INSR: variants seen among roughly 807,000 people sequenced by gnomAD.
The protein encoded by INSR is IR.
In INSR, 67 loss-of-function variants were observed where a neutral mutation model predicts 142.6. The ratio of observed to expected loss-of-function variants is 0.47; its 90% CI spans 0.39 to 0.58. The LOEUF is 0.58. INSR is among the 20% of genes least tolerant of loss of function. The pLI is 0.00. For missense variants in INSR, 1,248 were observed against 1,833.2 expected, an observed-to-expected ratio of 0.68 and a Z score of 5.83; for synonymous variants, 756 against 743.1, an observed-to-expected ratio of 1.02 and a Z score of -0.28.
chr19:7,187,700 G>A (rs952757502), intron 2 of INSR, among the ~76,000 whole-genome samples: 1 of 151,758 alleles, frequency 6.6e-6, no homozygotes, highest in Admixed American at 6.6e-5. Context: ...GGCCTCTTGG[G>A]TAGCTGGAAT....
At position 7,125,215 on chromosome 19, in the gene INSR, A is replaced by G; in HGVS notation, c.3258+68T>C. 6.3e-7 allele frequency: 1 copy of G among 1,590,600 alleles called. No individual in the cohort carries two copies. Among genetic ancestry groups the G allele is most frequent in the Non-Finnish European group, 8.6e-7 (1 of 1,162,054 alleles). ...CCCTGTGTCCTCTGTCGCTCTGTGC[A>G]GGAGGAGGAGGCAGAGAAAGGGAAG... On this transcript the variant is annotated intron_variant, in intron 17 of 21. Transcript: ENST00000302850. This position sits in a 1 kb window ranked among gnomAD's most constrained non-coding sequence, Gnocchi z 4.9.
rs751650248 is a variant in INSR, at chr19:7,184,689, A to G, written c.653-52T>C. On this transcript the variant is annotated intron_variant, in intron 2 of 21. Transcript: ENST00000302850. The stretch of plus-strand genomic sequence containing the variant: ...AAATAAATAAATAAATAAATAAATA[A>G]ATAAATAAATAAATAAATGGCTTTG... 3.5e-6 allele frequency: 4 copies of G among 1,135,744 alleles called. No individual in the cohort carries two copies. The South Asian group carries it at 8.3e-5, about 24-fold the overall frequency. The allele number at this position is 1,135,744 out of a possible 1,614,324, so 70.4% of individuals were successfully genotyped here.
At chr19:7,250,115 T>C (rs968845013) in intron 2 of INSR, among the ~76,000 whole-genome samples, 1 of 150,682 alleles carries the variant, frequency 6.6e-6, no homozygotes, top group Non-Finnish European at 1.5e-5. Context: ...GCTATGATCA[T>C]GCTACTGCAC....
chr19:7,149,969 G>T (rs1379662241), intron 11 of INSR, among the ~76,000 whole-genome samples: 1 of 136,006 alleles, frequency 7.4e-6, no homozygotes, highest in Non-Finnish European at 1.5e-5. Flanking sequence ...AGGAAGGAAG[G>T]AAGGAAGGAA....
At chr19:7,163,618 C>T (rs1006427954) in intron 8 of INSR, among the ~76,000 whole-genome samples, 3 of 151,304 alleles carry the variant, frequency 2.0e-5, no homozygotes, top group African/African-American at 7.3e-5. Flanking sequence ...AAACAAAACC[C>T]AAAAAACCCA....
At chr19:7,162,239 A>C (rs1360222965) in intron 9 of INSR, among the ~76,000 whole-genome samples, 1 of 150,866 alleles carries the variant, frequency 6.6e-6, no homozygotes, top group East Asian at 2.0e-4. Flanking sequence ...AGGCAGGAGA[A>C]TCGCTTGCGC....
rs1283724008 is a variant in INSR at position 7,250,392 on chromosome 19, A to AGG, written c.652+16952_652+16953insCC. ...GGAGGAGGGAGAGAGGAAGGGAGAG[A>AGG]AGGAAGGGAGGTAAGAAATAAAAAG... On this transcript the variant is annotated intron_variant, in intron 2 of 21. Transcript: ENST00000302850. Among the ~76,000 whole-genome samples, 9 of 39,352 alleles carry AGG rather than the reference A, an allele frequency of 2.3e-4. No homozygotes were observed. The East Asian group carries it at 5.2e-3, about 23-fold the overall frequency. 25.8% of individuals were successfully genotyped at this position (39,352 alleles called of 152,430 possible).
At chr19:7,257,141 C>T (rs1976920161) in intron 2 of INSR, among the ~76,000 whole-genome samples, 1 of 151,936 alleles carries the variant, frequency 6.6e-6, no homozygotes, top group Admixed American at 6.6e-5. Context: ...CGGGGTTTCA[C>T]TATGTTGGCC....
At chr19:7,167,863 G>A (rs1973923026) in intron 7 of INSR, 105 bp downstream of exon 7, 1 of 1,347,186 alleles carries the variant, frequency 7.4e-7, no homozygotes, top group East Asian at 2.3e-5. Flanking sequence ...GGAGGAGGAG[G>A]GAGATAGACA....
intron 2 of INSR, among the ~76,000 whole-genome samples, chr19:7,219,316 C>T (rs888329040): frequency 6.6e-6 from 1 of 152,126 alleles, no homozygotes; most frequent in Non-Finnish European, 1.5e-5. Context: ...TTTCACTGAC[C>T]ACCCCCGGGG....
chr19:7,200,252 C>T (rs118105748), intron 2 of INSR, among the ~76,000 whole-genome samples: 2 of 152,242 alleles, frequency 1.3e-5, no homozygotes, highest in Non-Finnish European at 2.9e-5. Flanking sequence ...GCAGAGGAAA[C>T]AGAAAAGAAG....
intron 4 of INSR, among the ~76,000 whole-genome samples, chr19:7,172,692 A>G (rs2144955912): frequency 6.6e-6 from 1 of 152,098 alleles, no homozygotes; most frequent in African/African-American, 2.4e-5. Flanking sequence ...GGCTTGTTCC[A>G]TCATCATCTC....
chr19:7,136,553 C>G (rs996146877), intron 13 of INSR, among the ~76,000 whole-genome samples: 1 of 151,966 alleles, frequency 6.6e-6, no homozygotes, highest in Admixed American at 6.6e-5. Context: ...GTCTCCTGTT[C>G]CTGGGACCCA....
At chr19:7,274,242 C>T (rs954979079) in intron 1 of INSR, among the ~76,000 whole-genome samples, 14 of 151,950 alleles carry the variant, frequency 9.2e-5, no homozygotes, top group African/African-American at 2.7e-4. Context: ...GCACAGTTCA[C>T]GACAGGATTC....
At chr19:7,275,520 C>T (rs1371984637) in intron 1 of INSR, among the ~76,000 whole-genome samples, 3 of 151,928 alleles carry the variant, frequency 2.0e-5, no homozygotes, top group African/African-American at 7.3e-5. Context: ...CGGTGGCTCA[C>T]GCCTGTAATC....
intron 2 of INSR, among the ~76,000 whole-genome samples, chr19:7,193,168 G>C (rs1974646726): frequency 6.7e-6 from 1 of 150,196 alleles, no homozygotes; most frequent in Non-Finnish European, 1.5e-5. Context: ...CCTCAGGCTG[G>C]AGTGCAGTGG....
intron 2 of INSR, among the ~76,000 whole-genome samples, chr19:7,250,032 G>T (rs1178288018): frequency 1.3e-5 from 2 of 151,920 alleles, no homozygotes; most frequent in African/African-American, 4.8e-5. Context: ...GGTGACAGGG[G>T]CCTGTAGTCC....
intron 1 of INSR, chr19:7,268,496 C>T (rs1489119360): frequency 1.0e-6 from 1 of 985,196 alleles, no homozygotes; most frequent in Non-Finnish European, 1.2e-6. Context: ...GGCGGTCCCT[C>T]CCAGGCCCCA....
chr19:7,231,293 TTG>T (rs1428362739), intron 2 of INSR, among the ~76,000 whole-genome samples: 3 of 26,868 alleles, frequency 1.1e-4, no homozygotes, highest in South Asian at 1.9e-3. Context: ...GTGGTGTTTT[TTG>T]TTTTTTTTTT....
Sources: allele counts gnomAD v4.1 joint callset (sites outside exome capture counted in the v4.1 genomes callset), GRCh38; gene constraint gnomAD v4.1.1; non-coding constraint Gnocchi (gnomAD v3.1); transcripts MANE v1.5; gene names NCBI Gene and HGNC (gene_info 2026-07-23, HGNC 2026-07-21).